Variants in SORCS2 observed in about 807,000 individuals in gnomAD.
The protein encoded by SORCS2 is VPS10 domain-containing receptor SorCS2.
A neutral mutation model predicts 141.6 loss-of-function variants in SORCS2; 100 were observed. That is an observed-to-expected ratio of 0.71 (90% CI 0.60 to 0.83). The LOEUF (loss-of-function observed/expected upper bound fraction) is 0.83. Ranked by LOEUF, SORCS2 falls within the 40% of genes least tolerant of loss-of-function variation. The probability of loss-of-function intolerance (pLI) is 0.00; values close to 1 mark genes in which losing one functional copy is unlikely to be tolerated. For missense variants in SORCS2, 1,646 were observed against 1,560.2 expected (o/e 1.05, Z -0.93); for synonymous variants, 789 against 676.9 (o/e 1.17, Z -2.57).
chr4:7,208,170 C>T (rs1053450408), intron 1 of SORCS2, among the ~76,000 whole-genome samples: 2 of 151,958 alleles, frequency 1.3e-5, no homozygotes, highest in South Asian at 2.1e-4. Flanking sequence ...CCTGGCCTGG[C>T]CTCCTCACCC....
chr4:7,208,577 G>A (rs1727877850), intron 1 of SORCS2, among the ~76,000 whole-genome samples: 1 of 152,218 alleles, frequency 6.6e-6, no homozygotes, highest in Non-Finnish European at 1.5e-5. Context: ...TGTTTCAAGG[G>A]CGAGAGGCTG....
intron 2 of SORCS2, among the ~76,000 whole-genome samples, chr4:7,510,647 G>A (rs1461545096): frequency 6.9e-6 from 1 of 145,372 alleles, no homozygotes; most frequent in Non-Finnish European, 1.5e-5. Flanking sequence ...CCTTGTTCTG[G>A]GTGCGGCATG....
At chr4:7,688,014 CAAAT>C (rs1228437860) in intron 10 of SORCS2, among the ~76,000 whole-genome samples, 1 of 152,198 alleles carries the variant, frequency 6.6e-6, no homozygotes, top group African/African-American at 2.4e-5. Flanking sequence ...CTTGAGCAGA[CAAAT>C]AAAGCCTGTC....
chr4:7,576,448 C>T (rs930290908), intron 3 of SORCS2, among the ~76,000 whole-genome samples: 2 of 152,220 alleles, frequency 1.3e-5, no homozygotes, highest in Non-Finnish European at 2.9e-5. Context: ...AAGCAAGTCA[C>T]AACAGCCATC....
intron 3 of SORCS2, among the ~76,000 whole-genome samples, chr4:7,560,112 G>C (rs1043081090): frequency 6.6e-6 from 1 of 152,222 alleles, no homozygotes. Flanking sequence ...CAGGTTAGGA[G>C]CACAGGAAAA....
intron 2 of SORCS2, among the ~76,000 whole-genome samples, chr4:7,487,462 A>G (rs1158097223): frequency 6.6e-6 from 1 of 152,174 alleles, no homozygotes; most frequent in African/African-American, 2.4e-5. Context: ...TGTCTCTAGC[A>G]TGGACACCAG....
At chr4:7,441,124 C>T (rs895903496) in intron 2 of SORCS2, among the ~76,000 whole-genome samples, 1 of 152,214 alleles carries the variant, frequency 6.6e-6, no homozygotes, top group East Asian at 1.9e-4. Flanking sequence ...TCGGCAAGGG[C>T]GAAGGCCCCA....
At chr4:7,263,104 C>G (rs1386763542) in intron 1 of SORCS2, among the ~76,000 whole-genome samples, 1 of 152,196 alleles carries the variant, frequency 6.6e-6, no homozygotes, top group Non-Finnish European at 1.5e-5. Flanking sequence ...TCATGTCACC[C>G]CAGTGAGCCT....
intron 1 of SORCS2, among the ~76,000 whole-genome samples, chr4:7,304,448 G>C (rs1405130943): frequency 6.6e-6 from 1 of 152,220 alleles, no homozygotes; most frequent in Non-Finnish European, 1.5e-5. Context: ...TGATGGAGAA[G>C]AGGCGGATGC....
At chr4:7,445,335 C>A (rs1170158918) in intron 2 of SORCS2, among the ~76,000 whole-genome samples, 1 of 151,434 alleles carries the variant, frequency 6.6e-6, no homozygotes, top group Non-Finnish European at 1.5e-5. Flanking sequence ...GAGGGAAAGC[C>A]GGGGGAGAGG....
intron 1 of SORCS2, among the ~76,000 whole-genome samples, chr4:7,259,606 C>T (rs1379474730): frequency 6.6e-6 from 1 of 152,200 alleles, no homozygotes; most frequent in African/African-American, 2.4e-5. Flanking sequence ...CCTGTCCAGG[C>T]CAGCCCATCC....
intron 3 of SORCS2, among the ~76,000 whole-genome samples, chr4:7,593,947 G>T (rs1379597493): frequency 6.6e-6 from 1 of 152,146 alleles, no homozygotes; most frequent in Non-Finnish European, 1.5e-5. Flanking sequence ...AAGACCAAAT[G>T]GGCATTTATT....
At chr4:7,635,634 A>C (rs1262100302) in intron 3 of SORCS2, among the ~76,000 whole-genome samples, 1 of 152,158 alleles carries the variant, frequency 6.6e-6, no homozygotes, top group South Asian at 2.1e-4. Context: ...ATGAGCACAT[A>C]AGCTCCCCAG....
intron 1 of SORCS2, among the ~76,000 whole-genome samples, chr4:7,335,318 AGT>A (rs201534593): frequency 5.3e-4 from 80 of 152,302 alleles, no homozygotes; most frequent in East Asian, 1.7e-3. Context: ...AAAAAGAGAA[AGT>A]GTTTCTGTTC....
intron 1 of SORCS2, among the ~76,000 whole-genome samples, chr4:7,320,435 C>T (rs1028260863): frequency 5.3e-5 from 8 of 152,158 alleles, no homozygotes; most frequent in Non-Finnish European, 1.0e-4. Flanking sequence ...TAGAAGAGGC[C>T]AGGTTTTCTT....
At chr4:7,216,622 C>A (rs11723611) in intron 1 of SORCS2, among the ~76,000 whole-genome samples, 2 of 151,918 alleles carry the variant, frequency 1.3e-5, no homozygotes, top group South Asian at 4.1e-4. Flanking sequence ...CTCCTTACTC[C>A]CATCCCTCCA....
intron 4 of SORCS2, among the ~76,000 whole-genome samples, chr4:7,644,339 C>A (rs1240130115): frequency 6.6e-6 from 1 of 152,160 alleles, no homozygotes; most frequent in African/African-American, 2.4e-5. Flanking sequence ...TGGAGTCCAG[C>A]TGCTGCCTTC....
At chr4:7,590,006 G>T (rs1040658213) in intron 3 of SORCS2, among the ~76,000 whole-genome samples, 2 of 152,216 alleles carry the variant, frequency 1.3e-5, no homozygotes, top group African/African-American at 2.4e-5. Flanking sequence ...ACATGAGAGA[G>T]AAAGGGCTGG....
At chr4:7,360,571 C>CTTTTTTTTTTTT (rs753548897) in intron 1 of SORCS2, among the ~76,000 whole-genome samples, 656 of 49,268 alleles carry the variant, frequency 0.013, 171 homozygotes, top group African/African-American at 0.037. Context: ...CCAGTCCCTT[C>CTTTTTTTTTTTT]TTTTTTTTTT....
Sources: allele counts gnomAD v4.1 joint callset (sites outside exome capture counted in the v4.1 genomes callset), GRCh38; gene constraint gnomAD v4.1.1; transcripts MANE v1.5; gene names NCBI Gene and HGNC (gene_info 2026-07-23, HGNC 2026-07-21).